Variants in CHRM3 observed in about 807,000 individuals in gnomAD.
The protein encoded by CHRM3 is muscarinic acetylcholine receptor M3.
In CHRM3, 11 loss-of-function variants were observed where a neutral mutation model predicts 41.8. The observed-to-expected ratio is 0.26, with a 90% confidence interval of 0.17 to 0.44. The LOEUF is 0.44. CHRM3 is among the 20% of genes least tolerant of loss of function. The pLI is 1.00. For synonymous variants in CHRM3, 297 were observed against 301.4 expected (o/e 0.99, Z 0.15); for missense variants, 571 against 745.4 (o/e 0.77, Z 2.72).
chr1:239,823,366 G>A lies in CHRM3; in HGVS notation c.-146-3886G>A, dbSNP rs187186458. 1.4e-4 allele frequency among the ~76,000 whole-genome samples: 21 copies of A among 152,220 alleles called. 1 individual carries two copies. The highest frequency in any genetic ancestry group is 5.1e-4 in the African/African-American group (21 of 41,522). On this transcript the variant is annotated intron_variant, in intron 5 of 6. Coordinates refer to ENST00000676153, the MANE Select transcript of CHRM3 (RefSeq NM_001375978.1). ...TAGTGAAGCCTGGTGCCTTGAGCAG[G>A]ATGGTATCTAATGTGCCCCAGACAG...
chr1:239,486,836 C>T (rs1382391121), intron 1 of CHRM3, among the ~76,000 whole-genome samples: 2 of 152,112 alleles, frequency 1.3e-5, no homozygotes, highest in East Asian at 1.9e-4. Context: ...CTGCTGCGTA[C>T]GGTAATGGGA....
At chr1:239,898,049 T>C (rs913427854) in intron 6 of CHRM3, 1 of 152,218 alleles carries the variant, frequency 6.6e-6, no homozygotes, top group Non-Finnish European at 1.5e-5. Context: ...ATTCCGGTTT[T>C]GGTGTTCAGA....
intron 1 of CHRM3, among the ~76,000 whole-genome samples, chr1:239,411,489 G>A (rs1661057342): frequency 6.6e-6 from 1 of 152,014 alleles, no homozygotes; most frequent in African/African-American, 2.4e-5. Flanking sequence ...CACTTTGGGA[G>A]GCCGAGGTGG....
chr1:239,426,779 A>G (rs183479910), intron 1 of CHRM3, among the ~76,000 whole-genome samples: 17 of 152,346 alleles, frequency 1.1e-4, no homozygotes, highest in African/African-American at 3.8e-4. Context: ...CCTATACAAC[A>G]TAATGAGCAT....
intron 4 of CHRM3, among the ~76,000 whole-genome samples, chr1:239,664,056 C>A (rs571330430): frequency 2.0e-5 from 3 of 152,130 alleles, no homozygotes; most frequent in Admixed American, 2.0e-4. Flanking sequence ...CTGGGTCTTC[C>A]TTCTGGTTTT....
chr1:239,676,996 C>CA (rs2149083050), intron 4 of CHRM3, among the ~76,000 whole-genome samples: 1 of 152,296 alleles, frequency 6.6e-6, no homozygotes, highest in African/African-American at 2.4e-5. Context: ...CAGCCTCCTG[C>CA]ATGGGAGCAT....
rs998879574 is a variant in CHRM3, at chr1:239,913,138, C to T, written c.*3914C>T. 9 of 167,028 alleles carry T rather than the reference C, an allele frequency of 5.4e-5. No individual in the cohort carries two copies. Among genetic ancestry groups the T allele is most frequent in the African/African-American group, 2.2e-4 (9 of 41,436 alleles). 10.3% of individuals were successfully genotyped at this position (167,028 alleles called of 1,614,324 possible). ...ATTTACTTACTCTATTTCAACACCA[C>T]AAAATCTTGAAATTTGGAAGGTAAC... On this transcript the variant is annotated 3_prime_UTR_variant, in exon 7 of 7. Coordinates refer to ENST00000676153, the MANE Select transcript of CHRM3 (RefSeq NM_001375978.1).
chr1:239,512,201 T>C (rs74149085), intron 2 of CHRM3, among the ~76,000 whole-genome samples: 10,545 of 152,184 alleles, frequency 0.069, 966 homozygotes, highest in African/African-American at 0.21. Context: ...CACTCTTGGA[T>C]AGCCAGACTG....
intron 5 of CHRM3, among the ~76,000 whole-genome samples, chr1:239,810,790 C>G (rs1386511719): frequency 2.0e-5 from 3 of 152,184 alleles, no homozygotes; most frequent in Non-Finnish European, 4.4e-5. Context: ...GTTTATCAAC[C>G]CTTTGAGGCC....
At chr1:239,572,404 C>G (rs747354506) in intron 3 of CHRM3, among the ~76,000 whole-genome samples, 3 of 152,152 alleles carry the variant, frequency 2.0e-5, no homozygotes, top group Non-Finnish European at 4.4e-5. Context: ...GTCATCATTT[C>G]TAGACTGTAT....
At chr1:239,492,592 C>T (rs1558263984) in intron 1 of CHRM3, 117 bp from the exon 2 acceptor site, 1 of 152,222 alleles carries the variant, frequency 6.6e-6, no homozygotes, top group Non-Finnish European at 1.5e-5. Flanking sequence ...CCTGGCCTTA[C>T]TGTACTCTCT....
intron 6 of CHRM3, among the ~76,000 whole-genome samples, chr1:239,868,438 T>C (rs1328895265): frequency 6.6e-6 from 1 of 152,176 alleles, no homozygotes; most frequent in Non-Finnish European, 1.5e-5. Context: ...CTTTTTTCCC[T>C]TCTCTCAGTC....
chr1:239,641,295 G>A (rs57814524), intron 4 of CHRM3, among the ~76,000 whole-genome samples: 51,349 of 150,374 alleles, frequency 0.34, 8,831 homozygotes, highest in African/African-American at 0.41. Context: ...TTGGTGCAGA[G>A]CTGAGTTCAA....
chr1:239,482,799 A>G (rs1422523311), intron 1 of CHRM3, among the ~76,000 whole-genome samples: 1 of 152,210 alleles, frequency 6.6e-6, no homozygotes, highest in African/African-American at 2.4e-5. Flanking sequence ...AAATTAGTAG[A>G]CTGTCAGTAA....
chr1:239,721,465 GTT>G (rs1662963121), intron 5 of CHRM3, among the ~76,000 whole-genome samples: 1 of 151,818 alleles, frequency 6.6e-6, no homozygotes, highest in South Asian at 2.1e-4. Context: ...GTTTTGGAAG[GTT>G]CTAAATCATA....
At chr1:239,405,308 T>C (rs762771557) in intron 1 of CHRM3, among the ~76,000 whole-genome samples, 29 of 152,156 alleles carry the variant, frequency 1.9e-4, no homozygotes, top group Admixed American at 5.9e-4. Flanking sequence ...GTAGTTTACT[T>C]GCTAGTTACG....
At chr1:239,449,256 C>T (rs1664386468) in intron 1 of CHRM3, among the ~76,000 whole-genome samples, 1 of 152,024 alleles carries the variant, frequency 6.6e-6, no homozygotes, top group Non-Finnish European at 1.5e-5. Flanking sequence ...CTGGTGAAAC[C>T]CCAAAGACAT....
intron 6 of CHRM3, among the ~76,000 whole-genome samples, chr1:239,887,093 G>A (rs965321409): frequency 3.3e-5 from 5 of 152,176 alleles, no homozygotes; most frequent in East Asian, 3.9e-4. Flanking sequence ...TAGGGTGTGC[G>A]CTGATACCAG....
chr1:239,741,992 C>T (rs143883312), intron 5 of CHRM3, among the ~76,000 whole-genome samples: 21 of 152,232 alleles, frequency 1.4e-4, no homozygotes, highest in African/African-American at 4.3e-4. Flanking sequence ...CTCTTCCTCC[C>T]GTTACTGTCC....
Sources: allele counts gnomAD v4.1 joint callset (sites outside exome capture counted in the v4.1 genomes callset), GRCh38; gene constraint gnomAD v4.1.1; transcripts MANE v1.5; gene names NCBI Gene and HGNC (gene_info 2026-07-23, HGNC 2026-07-21).